BRINP3: variants seen among roughly 807,000 people sequenced by gnomAD.
BRINP3 encodes BMP/retinoic acid inducible neural specific 3.
BRINP3 carries 19 observed loss-of-function variants against 71.0 expected under a neutral mutation model. The observed-to-expected ratio is 0.27, with a 90% confidence interval of 0.19 to 0.39. The LOEUF (loss-of-function observed/expected upper bound fraction) is 0.39. Among genes scored for constraint, BRINP3 ranks in the 10% least tolerant of loss-of-function variants. The probability of loss-of-function intolerance (pLI) is 1.00; values close to 1 mark genes in which losing one functional copy is unlikely to be tolerated. For synonymous variants in BRINP3, 380 were observed against 337.7 expected (o/e 1.13, Z -1.37); for missense variants, 959 against 940.8 (o/e 1.02, Z -0.25).
chr1:190,368,832 C>G (rs1049207502), intron 2 of BRINP3, among the ~76,000 whole-genome samples: 4 of 152,162 alleles, frequency 2.6e-5, no homozygotes, highest in African/African-American at 9.7e-5. Flanking sequence ...GATGAATGTA[C>G]ACTTAATGCA....
At chr1:190,365,003 T>C (rs771127571) in intron 2 of BRINP3, among the ~76,000 whole-genome samples, 4 of 152,124 alleles carry the variant, frequency 2.6e-5, no homozygotes, top group Non-Finnish European at 4.4e-5. Context: ...TGGCAAGAGT[T>C]TGACCTCCCT....
chr1:190,122,616 T>C (rs1653767552), intron 7 of BRINP3, among the ~76,000 whole-genome samples: 1 of 149,970 alleles, frequency 6.7e-6, no homozygotes, highest in South Asian at 2.2e-4. Flanking sequence ...CGTTAGGAGA[T>C]ATACCTAATG....
At chr1:190,182,585 T>C (rs1653122011) in intron 6 of BRINP3, among the ~76,000 whole-genome samples, 1 of 152,136 alleles carries the variant, frequency 6.6e-6, no homozygotes, top group South Asian at 2.1e-4. Context: ...AAATTAACCT[T>C]GTCCACAGCA....
intron 6 of BRINP3, among the ~76,000 whole-genome samples, chr1:190,176,779 A>C (rs933174026): frequency 1.3e-5 from 2 of 152,118 alleles, no homozygotes; most frequent in Non-Finnish European, 2.9e-5. Context: ...TTTGCAGAAC[A>C]TGTGTCCCTT....
Position 190,264,778 on chromosome 1 carries a change from G to T in BRINP3, c.618+87C>A, listed in dbSNP as rs1227291687. On this transcript the variant is annotated intron_variant, in intron 4 of 7. Transcript: ENST00000367462. ...TTATAAAATAATTGTTTAAATTCATGGAATAAGCAAATACATAAAAATGCC... is the reference window on the plus strand; with the variant it reads ...TTATAAAATAATTGTTTAAATTCATTGAATAAGCAAATACATAAAAATGCC... The T allele has an allele frequency of 1.4e-5, 14 of 1,012,560 alleles. No individual in the cohort carries two copies. In the Admixed American group the frequency reaches 3.8e-4, roughly 27 times the overall value. 62.7% of individuals were successfully genotyped at this position (1,012,560 alleles called of 1,614,324 possible).
chr1:190,141,946 A>G (rs1296464995), intron 7 of BRINP3, among the ~76,000 whole-genome samples: 1 of 152,178 alleles, frequency 6.6e-6, no homozygotes, highest in Non-Finnish European at 1.5e-5. Context: ...ATCAAAAAAG[A>G]TATCGATTAT....
chr1:190,142,707 T>A (rs1386536173), intron 7 of BRINP3, among the ~76,000 whole-genome samples: 1 of 152,078 alleles, frequency 6.6e-6, no homozygotes, highest in Non-Finnish European at 1.5e-5. Context: ...AATATTTTTA[T>A]ACTTGAAAAA....
chr1:190,228,838 A>G (rs1657660626), intron 5 of BRINP3, among the ~76,000 whole-genome samples: 1 of 151,854 alleles, frequency 6.6e-6, no homozygotes, highest in African/African-American at 2.4e-5. Context: ...GAATACTGAC[A>G]GCACTATATT....
chr1:190,409,681 C>A (rs891069079), intron 2 of BRINP3, among the ~76,000 whole-genome samples: 1 of 152,092 alleles, frequency 6.6e-6, no homozygotes, highest in Non-Finnish European at 1.5e-5. Context: ...CAAAGAATGT[C>A]ATTTGTGCAA....
chr1:190,454,325 A>T (rs1397966737), intron 2 of BRINP3, among the ~76,000 whole-genome samples: 1 of 152,206 alleles, frequency 6.6e-6, no homozygotes, highest in Non-Finnish European at 1.5e-5. Flanking sequence ...GGTAGAAAGG[A>T]AAAGCAATTT....
chr1:190,373,215 C>A (rs933264393), intron 2 of BRINP3, among the ~76,000 whole-genome samples: 3 of 151,922 alleles, frequency 2.0e-5, no homozygotes, highest in Non-Finnish European at 2.9e-5. Context: ...CATGGCGAAA[C>A]CCCGTTTCTA....
intron 3 of BRINP3, 54 bp from the exon 4 acceptor site, chr1:190,265,109 T>A (rs77612267): frequency 0.11 from 160,593 of 1,478,434 alleles, 12,203 homozygotes; most frequent in South Asian, 0.26. Flanking sequence ...TCTTTTTTTT[T>A]AACTTATCTG....
At chr1:190,181,987 T>C (rs1277810239) in intron 6 of BRINP3, among the ~76,000 whole-genome samples, 2 of 152,064 alleles carry the variant, frequency 1.3e-5, no homozygotes, top group East Asian at 1.9e-4. Context: ...TATTGAATCA[T>C]AGTTAGCATT....
In BRINP3 at chr1:190,227,609, T is replaced by C. The variant is rs568294600; in HGVS notation, c.725-1291A>G. On this transcript the variant is annotated intron_variant, in intron 5 of 7. Transcript: ENST00000367462. ...TAATTGGCTAAACAATTATATTAAG[T>C]TCACAAAAGTAAAAAAACTTTTTAT... Among the ~76,000 whole-genome samples the C allele has an allele frequency of 1.1e-3, 169 of 152,000 alleles. 1 individual carries two copies. The highest frequency in any genetic ancestry group is 3.1e-3 in the African/African-American group (130 of 41,540).
intron 2 of BRINP3, among the ~76,000 whole-genome samples, chr1:190,442,749 A>G (rs1053099301): frequency 2.1e-5 from 3 of 139,866 alleles, no homozygotes; most frequent in Non-Finnish European, 3.1e-5. Flanking sequence ...GTGTGTGTGT[A>G]TTTTCTTCAA....
intron 2 of BRINP3, among the ~76,000 whole-genome samples, chr1:190,362,964 GA>G (rs1164028870): frequency 6.6e-6 from 1 of 151,952 alleles, no homozygotes; most frequent in African/African-American, 2.4e-5. Context: ...ATTCCAGAAA[GA>G]ACTGTGATCA....
chr1:190,378,426 A>G (rs142151664), intron 2 of BRINP3, among the ~76,000 whole-genome samples: 83 of 152,294 alleles, frequency 5.4e-4, no homozygotes, highest in Admixed American at 1.5e-3. Flanking sequence ...GGGGTTATCT[A>G]TTCCTCCTAT....
intron 3 of BRINP3, among the ~76,000 whole-genome samples, chr1:190,280,420 T>G (rs569383373): frequency 6.6e-6 from 1 of 151,900 alleles, no homozygotes; most frequent in Admixed American, 6.6e-5. Flanking sequence ...GATCCAAGAT[T>G]TTAAAAGAGC....
At chr1:190,456,572 T>C (rs1323190079) in intron 1 of BRINP3, among the ~76,000 whole-genome samples, 3 of 152,024 alleles carry the variant, frequency 2.0e-5, no homozygotes, top group Non-Finnish European at 2.9e-5. Context: ...AAATATTTTA[T>C]ATATTTTTTC....
Sources: gnomAD v4.1 joint callset for allele counts (sites outside exome capture counted in the v4.1 genomes callset) on GRCh38, gnomAD v4.1.1 for gene constraint, MANE v1.5 for transcripts, NCBI Gene and HGNC (gene_info 2026-07-23, HGNC 2026-07-21) for gene names.